Variants in CCDC171 observed in about 807,000 individuals in gnomAD.
CCDC171 encodes the protein coiled-coil domain-containing protein 171.
In CCDC171, 177 loss-of-function variants were observed where a neutral mutation model predicts 168.2. The ratio of observed to expected loss-of-function variants is 1.05; its 90% CI spans 0.93 to 1.19. The LOEUF (loss-of-function observed/expected upper bound fraction) is 1.19. CCDC171 is among the 50% of genes most tolerant of loss of function. CCDC171 has a pLI of 0.00. For missense variants in CCDC171, 1,991 were observed against 1,539.0 expected, an observed-to-expected ratio of 1.29 and a Z score of -4.91; for synonymous variants, 687 against 540.8, an observed-to-expected ratio of 1.27 and a Z score of -3.75.
chr9:15,968,968 A>G (rs1358228641), intron 25 of CCDC171, among the ~76,000 whole-genome samples: 6 of 152,188 alleles, frequency 3.9e-5, no homozygotes, highest in African/African-American at 1.4e-4. Flanking sequence ...CCTTTATACA[A>G]AAGTAACTCT....
intron 1 of CCDC171, among the ~76,000 whole-genome samples, chr9:16,044,164 A>G (rs535750574): frequency 9.8e-5 from 15 of 152,326 alleles, no homozygotes; most frequent in Admixed American, 2.0e-4. Flanking sequence ...TATGCTTCCA[A>G]TAAGGGGGAA....
intron 6 of CCDC171, among the ~76,000 whole-genome samples, chr9:15,608,236 G>A (rs2043366215): frequency 6.6e-6 from 1 of 152,166 alleles, no homozygotes; most frequent in South Asian, 2.1e-4. Context: ...ACTGTCACAT[G>A]GGGGATTACA....
At chr9:15,955,064 A>G (rs1431267453) in intron 25 of CCDC171, among the ~76,000 whole-genome samples, 1 of 152,126 alleles carries the variant, frequency 6.6e-6, no homozygotes, top group African/African-American at 2.4e-5. Flanking sequence ...AACTCTGGAA[A>G]TCAGATTTTC....
intron 1 of CCDC171, among the ~76,000 whole-genome samples, chr9:15,560,903 A>T (rs944834155): frequency 6.6e-6 from 1 of 152,082 alleles, no homozygotes; most frequent in African/African-American, 2.4e-5. Flanking sequence ...TGACATACAG[A>T]TGAGGTTTTC....
chr9:16,091,074 C>T, the CCDC171 span, among the ~76,000 whole-genome samples: 4 of 152,170 alleles, frequency 2.6e-5, no homozygotes, highest in East Asian at 7.7e-4. Flanking sequence ...TGGTCACCCC[C>T]CACCCAGGAA....
At chr9:15,656,268 G>T (rs2047923427) in intron 7 of CCDC171, among the ~76,000 whole-genome samples, 1 of 151,396 alleles carries the variant, frequency 6.6e-6, no homozygotes, top group African/African-American at 2.4e-5. Flanking sequence ...CTTGCAGTGA[G>T]CCTAGATGGC....
At chr9:15,595,318 G>T (rs993522259) in intron 6 of CCDC171, among the ~76,000 whole-genome samples, 1 of 151,958 alleles carries the variant, frequency 6.6e-6, no homozygotes, top group South Asian at 2.1e-4. Context: ...CCCACAACAG[G>T]CCCTGGTGTG....
chr9:15,606,166 T>C (rs2043212855), intron 6 of CCDC171, among the ~76,000 whole-genome samples: 1 of 152,210 alleles, frequency 6.6e-6, no homozygotes, highest in Non-Finnish European at 1.5e-5. Context: ...CTGTATTCAC[T>C]TATTTTTGGA....
intron 21 of CCDC171, among the ~76,000 whole-genome samples, chr9:15,793,581 G>C (rs1248061964): frequency 6.8e-5 from 1 of 14,728 alleles, no homozygotes; most frequent in African/African-American, 6.1e-4. Context: ...TTTTTTTTTT[G>C]AGACAGAGTC....
intron 17 of CCDC171, 64 bp from the exon 18 acceptor site, chr9:15,745,451 A>C (rs2055199899): frequency 9.5e-7 from 1 of 1,049,244 alleles, no homozygotes; most frequent in Non-Finnish European, 1.4e-6. Flanking sequence ...ACTGCTACGA[A>C]TTTTAAATAT....
intron 21 of CCDC171, among the ~76,000 whole-genome samples, chr9:15,799,577 T>C (rs1173042867): frequency 8.5e-5 from 13 of 152,082 alleles, no homozygotes; most frequent in Non-Finnish European, 1.9e-4. Context: ...TCATGGTAAA[T>C]GGGGTATCCC....
chr9:15,997,092 G>T (rs1832397800), intron 3 of CCDC171, among the ~76,000 whole-genome samples: 1 of 152,140 alleles, frequency 6.6e-6, no homozygotes, highest in East Asian at 1.9e-4. Flanking sequence ...AAAGATAAAG[G>T]GGAAGAAAGG....
intron 24 of CCDC171, among the ~76,000 whole-genome samples, chr9:15,882,492 G>C (rs1296533066): frequency 1.3e-5 from 2 of 152,102 alleles, no homozygotes; most frequent in African/African-American, 4.8e-5. Flanking sequence ...TGTTTTTAAA[G>C]TCTTAAAAAG....
chr9:15,814,527 T>C (rs2059485731), intron 21 of CCDC171, among the ~76,000 whole-genome samples: 1 of 152,178 alleles, frequency 6.6e-6, no homozygotes. Flanking sequence ...TAAATGTTGC[T>C]CTCTGCTTAC....
chr9:15,657,712 A>G (rs1043094662), intron 8 of CCDC171, among the ~76,000 whole-genome samples: 6 of 152,336 alleles, frequency 3.9e-5, no homozygotes, highest in African/African-American at 1.2e-4. Context: ...GAGATACTAT[A>G]TATCTATCTC....
In CCDC171 at chr9:15,971,992, C is replaced by T; in HGVS notation, c.*156C>T. ...TGATGTATTCTGGTAGCTCTGTCTC[C>T]TTGAATAAGGAAATAGCCAACTTTT... On this transcript the variant is annotated 3_prime_UTR_variant, in exon 26 of 26. Coordinates refer to ENST00000380701, the MANE Select transcript of CCDC171 (RefSeq NM_173550.4). The T allele has an allele frequency of 1.8e-6, 1 of 569,910 alleles. No individual in the cohort carries two copies. The highest frequency in any genetic ancestry group is 2.9e-5 in the South Asian group (1 of 34,878). The allele number at this position is 569,910 out of a possible 1,614,324, so 35.3% of individuals were successfully genotyped here.
intron 9 of CCDC171, among the ~76,000 whole-genome samples, chr9:15,673,517 G>A (rs1038586078): frequency 5.9e-5 from 9 of 152,088 alleles, no homozygotes; most frequent in South Asian, 4.1e-4. Context: ...TTTGAGATAC[G>A]TTCCATCAAT....
intron 6 of CCDC171, among the ~76,000 whole-genome samples, chr9:15,601,912 C>A (rs905650925): frequency 1.4e-4 from 22 of 152,184 alleles, no homozygotes; most frequent in Admixed American, 3.3e-4. Flanking sequence ...ATTTTGGTCT[C>A]ATTTCCAGAT....
chr9:15,714,008 G>T (rs893036011), intron 11 of CCDC171, among the ~76,000 whole-genome samples: 2 of 151,972 alleles, frequency 1.3e-5, no homozygotes, highest in African/African-American at 4.8e-5. Flanking sequence ...CATTCCAATT[G>T]CCAGAAAATG....
Sources: allele counts gnomAD v4.1 joint callset (sites outside exome capture counted in the v4.1 genomes callset), GRCh38; gene constraint gnomAD v4.1.1; transcripts MANE v1.5; gene names NCBI Gene and HGNC (gene_info 2026-07-23, HGNC 2026-07-21).